Variants in PLXNA4 observed in about 807,000 individuals in gnomAD.
The protein encoded by PLXNA4 is plexin A4, also known as plexin-A4.
PLXNA4 carries 44 observed loss-of-function variants against 191.8 expected under a neutral mutation model. The observed-to-expected ratio is 0.23, with a 90% CI of 0.18 to 0.29. The LOEUF (loss-of-function observed/expected upper bound fraction) is 0.29. Ranked by LOEUF, PLXNA4 falls within the 10% of genes least tolerant of loss-of-function variation. The pLI, the probability that PLXNA4 is intolerant of heterozygous loss-of-function variation, is 1.00. For synonymous variants in PLXNA4, 1,082 were observed against 1,009.5 expected, an observed-to-expected ratio of 1.07 and a Z score of -1.36; for missense variants, 1,800 against 2,488.8, an observed-to-expected ratio of 0.72 and a Z score of 5.89.
intron 2 of PLXNA4, among the ~76,000 whole-genome samples, chr7:132,616,331 C>A (rs2116860879): frequency 6.6e-6 from 1 of 152,246 alleles, no homozygotes; most frequent in East Asian, 1.9e-4. Flanking sequence ...TCTCTAAGGG[C>A]CTTTGGGGTA....
intron 4 of PLXNA4, among the ~76,000 whole-genome samples, chr7:132,282,886 T>C (rs1800538025): frequency 6.6e-6 from 1 of 152,086 alleles, no homozygotes; most frequent in Admixed American, 6.6e-5. Context: ...TTTTATTTAT[T>C]TATTTTTTGA....
At chr7:132,492,322 T>C (rs1483289524) in intron 2 of PLXNA4, among the ~76,000 whole-genome samples, 1 of 152,150 alleles carries the variant, frequency 6.6e-6, no homozygotes, top group South Asian at 2.1e-4. Context: ...ATTCTTCCCC[T>C]TGGCTGGGCA....
At chr7:132,645,533 T>G (rs1255160320) in intron 2 of PLXNA4, among the ~76,000 whole-genome samples, 2 of 152,230 alleles carry the variant, frequency 1.3e-5, no homozygotes, top group Non-Finnish European at 2.9e-5. Flanking sequence ...CTTGGTTGTT[T>G]CTTTATAGCA....
chr7:132,335,690 TG>T (rs1324078609), intron 3 of PLXNA4, among the ~76,000 whole-genome samples: 1 of 152,258 alleles, frequency 6.6e-6, no homozygotes, highest in Non-Finnish European at 1.5e-5. Flanking sequence ...TCAACGAATA[TG>T]AGTTCATGGC....
chr7:132,301,526 C>T (rs771350511), intron 3 of PLXNA4, among the ~76,000 whole-genome samples: 25 of 152,310 alleles, frequency 1.6e-4, no homozygotes, highest in East Asian at 3.9e-4. Flanking sequence ...ACACATCTGG[C>T]GGATGGCACA....
At chr7:132,530,350 A>C (rs1456098306) in intron 1 of PLXNA4, among the ~76,000 whole-genome samples, 1 of 152,234 alleles carries the variant, frequency 6.6e-6, no homozygotes, top group African/African-American at 2.4e-5. Flanking sequence ...ATATTTGCAA[A>C]TCAACTATCT....
intron 1 of PLXNA4, among the ~76,000 whole-genome samples, chr7:132,528,420 G>A (rs79413887): frequency 0.034 from 5,149 of 152,230 alleles, 234 homozygotes; most frequent in African/African-American, 0.1. Flanking sequence ...ACACATGGCC[G>A]CACCCCAGAA....
At chr7:132,598,243 G>C (rs1426401203) in intron 2 of PLXNA4, among the ~76,000 whole-genome samples, 1 of 152,052 alleles carries the variant, frequency 6.6e-6, no homozygotes, top group African/African-American at 2.4e-5. Flanking sequence ...CCAGTAGCTG[G>C]GACTACAGGT....
chr7:132,333,203 G>A (rs776006037), intron 3 of PLXNA4, among the ~76,000 whole-genome samples: 6 of 152,176 alleles, frequency 3.9e-5, no homozygotes, highest in South Asian at 2.1e-4. Flanking sequence ...GCCCTGCAGC[G>A]GCCATCCCTG....
Position 132,513,095 on chromosome 7 carries a change from C to T in PLXNA4, c.-86-4316G>A, listed in dbSNP as rs151064101. On this transcript the variant is annotated intron_variant, in intron 1 of 31. Transcript: ENST00000321063. ...ATCAGATTTTAATTTTGAGTAGTCT[C>T]AGGGGAGATGGGACTCATTTATAGA... 2.6e-4 allele frequency among the ~76,000 whole-genome samples: 40 copies of T among 152,288 alleles called. No homozygotes were observed. In the East Asian group the frequency reaches 7.7e-3, roughly 29 times the overall value.
chr7:132,627,010 C>T (rs1276750868), intron 2 of PLXNA4, among the ~76,000 whole-genome samples: 3 of 152,212 alleles, frequency 2.0e-5, no homozygotes, highest in Non-Finnish European at 4.4e-5. Context: ...TTCAATGGCT[C>T]CTGACTACCT....
Position 132,132,463 on chromosome 7 carries a change from TTCTGC to T in PLXNA4, c.5589+581_5589+585del, listed in dbSNP as rs1196484529. 8.8e-3 allele frequency among the ~76,000 whole-genome samples: 574 copies of T among 65,478 alleles called. 33 individuals carry two copies. Among genetic ancestry groups the T allele is most frequent in the South Asian group, 0.02 (32 of 1,614 alleles). The allele number at this position is 65,478 out of a possible 152,430, so 43.0% of individuals were successfully genotyped here. The stretch of plus-strand genomic sequence containing the variant: ...TTCTGTTCTGTTCTGTTCTGTTCTG[TTCTGC>T]TCTGCTCTGCTCTGCTCTGCTCTAT... On this transcript the variant is annotated intron_variant, in intron 31 of 31. Coordinates refer to ENST00000321063, the MANE Select transcript of PLXNA4 (RefSeq NM_020911.2).
At chr7:132,637,230 C>G (rs1803627283) in intron 2 of PLXNA4, among the ~76,000 whole-genome samples, 1 of 152,216 alleles carries the variant, frequency 6.6e-6, no homozygotes, top group Admixed American at 6.5e-5. Context: ...TATGCACAAT[C>G]CTTCCCCCTT....
At chr7:132,449,055 T>C (rs1371061221) in intron 3 of PLXNA4, among the ~76,000 whole-genome samples, 1 of 152,228 alleles carries the variant, frequency 6.6e-6, no homozygotes, top group Non-Finnish European at 1.5e-5. Flanking sequence ...CACTGGTTTA[T>C]GATCAGATGT....
chr7:132,497,365 G>C (rs995526291), intron 2 of PLXNA4, among the ~76,000 whole-genome samples: 1 of 152,106 alleles, frequency 6.6e-6, no homozygotes, highest in Non-Finnish European at 1.5e-5. Flanking sequence ...TGACCCCTAA[G>C]GTGTTCATAA....
At chr7:132,136,856 T>C (rs1396075286) in intron 30 of PLXNA4, among the ~76,000 whole-genome samples, 3 of 152,154 alleles carry the variant, frequency 2.0e-5, no homozygotes, top group African/African-American at 7.2e-5. Flanking sequence ...TCCCAATATG[T>C]ACCTTTCAAG....
At chr7:132,176,273 C>T (rs1796452181) in intron 20 of PLXNA4, among the ~76,000 whole-genome samples, 2 of 152,250 alleles carry the variant, frequency 1.3e-5, no homozygotes, top group African/African-American at 2.4e-5. Flanking sequence ...ACTGGCCACA[C>T]AGACACAGGG....
chr7:132,340,800 C>T (rs767532177), intron 3 of PLXNA4, among the ~76,000 whole-genome samples: 12 of 152,204 alleles, frequency 7.9e-5, no homozygotes, highest in Non-Finnish European at 1.8e-4. Context: ...GCCTCAGTCT[C>T]CTGAGTAGCT....
chr7:132,634,187 C>T (rs973989356), intron 2 of PLXNA4, among the ~76,000 whole-genome samples: 2 of 152,052 alleles, frequency 1.3e-5, no homozygotes, highest in African/African-American at 4.8e-5. Context: ...CATCAAGGCC[C>T]TTTATTTAGG....
Sources: gnomAD v4.1 joint callset for allele counts (sites outside exome capture counted in the v4.1 genomes callset) on GRCh38, gnomAD v4.1.1 for gene constraint, MANE v1.5 for transcripts, NCBI Gene and HGNC (gene_info 2026-07-23, HGNC 2026-07-21) for gene names.